The following PTPRD variants were observed in gnomAD, a reference collection of about 807,000 sequenced individuals.
The protein encoded by PTPRD is receptor-type tyrosine-protein phosphatase delta.
PTPRD carries 34 observed loss-of-function variants against 214.5 expected under a neutral mutation model. That is an observed-to-expected ratio of 0.16 (90% CI 0.12 to 0.21). PTPRD has a LOEUF of 0.21. Ranked by LOEUF, PTPRD falls within the 10% of genes least tolerant of loss-of-function variation. The pLI is 1.00. For synonymous variants in PTPRD, 1,128 were observed against 845.7 expected (o/e 1.33, Z -5.79); for missense variants, 2,545 against 2,398.7 (o/e 1.06, Z -1.27).
In PTPRD at chr9:10,595,489, C is replaced by T. The variant is rs866908988; in HGVS notation, c.-600+16909G>A. ...GACCCTTTAAAACATGTTTTCTTCT[C>T]GGTTGGTACACCAAATAGGCTAATC... On this transcript the variant is annotated intron_variant, in intron 2 of 45. Coordinates refer to ENST00000381196, the MANE Select transcript of PTPRD (RefSeq NM_002839.4). Among the ~76,000 whole-genome samples the T allele has an allele frequency of 6.5e-4, 98 of 151,584 alleles. 1 individual carries two copies. Among genetic ancestry groups the T allele is most frequent in the Admixed American group, 1.1e-3 (17 of 15,170 alleles).
At chr9:8,755,120 A>G (rs1012428083) in intron 11 of PTPRD, among the ~76,000 whole-genome samples, 1 of 152,122 alleles carries the variant, frequency 6.6e-6, no homozygotes, top group Non-Finnish European at 1.5e-5. Flanking sequence ...GCCAACTGGT[A>G]AAAACTCCTT....
chr9:9,396,915 G>C (rs963273681), intron 9 of PTPRD, among the ~76,000 whole-genome samples: 8 of 151,908 alleles, frequency 5.3e-5, no homozygotes, highest in Admixed American at 2.0e-4. Flanking sequence ...AGACATAAAT[G>C]GGTAGCAACT....
chr9:10,208,015 C>T (rs1401097196), intron 3 of PTPRD, among the ~76,000 whole-genome samples: 2 of 152,294 alleles, frequency 1.3e-5, no homozygotes, highest in East Asian at 3.9e-4. Context: ...CCTGCACATA[C>T]ACAACATAAA....
intron 2 of PTPRD, among the ~76,000 whole-genome samples, chr9:10,437,783 A>G (rs965758798): frequency 1.3e-5 from 2 of 151,190 alleles, no homozygotes; most frequent in Middle Eastern, 3.2e-3. Context: ...AGATATATAT[A>G]TATCTGATAA....
chr9:10,225,484 T>C (rs999120703), intron 3 of PTPRD, among the ~76,000 whole-genome samples: 1 of 152,008 alleles, frequency 6.6e-6, no homozygotes, highest in African/African-American at 2.4e-5. Flanking sequence ...TAGAGGGTGA[T>C]ATGAGGATGA....
intron 12 of PTPRD, among the ~76,000 whole-genome samples, chr9:8,710,691 A>C (rs1194879343): frequency 2.0e-5 from 3 of 152,164 alleles, no homozygotes; most frequent in African/African-American, 7.2e-5. Context: ...CATAATTATA[A>C]ATGAGTTTTT....
intron 14 of PTPRD, among the ~76,000 whole-genome samples, chr9:8,601,321 C>G (rs1209130259): frequency 6.6e-6 from 1 of 152,196 alleles, no homozygotes; most frequent in Non-Finnish European, 1.5e-5. Flanking sequence ...GCAGAACTCA[C>G]CACCCTTAAA....
intron 14 of PTPRD, among the ~76,000 whole-genome samples, chr9:8,541,363 G>A (rs1031603520): frequency 8.5e-5 from 13 of 152,102 alleles, no homozygotes; most frequent in African/African-American, 3.1e-4. Flanking sequence ...CAGGGTAGCT[G>A]GGACTACAGG....
chr9:8,395,249 C>G (rs1188033634), intron 36 of PTPRD, among the ~76,000 whole-genome samples: 3 of 152,168 alleles, frequency 2.0e-5, no homozygotes, highest in Non-Finnish European at 2.9e-5. Flanking sequence ...GTCCCCTCCT[C>G]TACTCCAACG....
At chr9:9,332,686 G>C (rs2042791562) in intron 9 of PTPRD, among the ~76,000 whole-genome samples, 1 of 151,504 alleles carries the variant, frequency 6.6e-6, no homozygotes, top group Admixed American at 6.6e-5. Flanking sequence ...CTTGAACTTT[G>C]AAGTAATTGG....
At chr9:9,501,674 C>A (rs558971251) in intron 8 of PTPRD, among the ~76,000 whole-genome samples, 1 of 151,958 alleles carries the variant, frequency 6.6e-6, no homozygotes, top group South Asian at 2.1e-4. Flanking sequence ...TACCATAAAA[C>A]TATACACCTT....
intron 25 of PTPRD, among the ~76,000 whole-genome samples, chr9:8,499,122 C>T (rs2136749482): frequency 6.6e-6 from 1 of 152,160 alleles, no homozygotes; most frequent in South Asian, 2.1e-4. Context: ...TCTTCATTTG[C>T]TGGGACATGA....
chr9:8,521,297 A>T lies in PTPRD; in HGVS notation c.941T>A (p.Ile314Lys), dbSNP rs771347752. Residue 314 changes from isoleucine to lysine, a missense_variant, in exon 20 of 46, where the codon ATA (isoleucine) becomes AAA (lysine). Coordinates refer to ENST00000381196, the MANE Select transcript of PTPRD (RefSeq NM_002839.4). The part of the protein sequence containing the change: ...AMSTLGVIEA[I>K]AQITVKALPK... ...CATACCTTTGACAGTGATCTGTGCT[A>T]TTGCTTCAATGACACCCAGTGTTGA... is the stretch of plus-strand genomic sequence containing the variant. 1 of 1,613,608 alleles carries T rather than the reference A, an allele frequency of 6.2e-7. No individual in the cohort carries two copies. Among genetic ancestry groups the T allele is most frequent in the Non-Finnish European group, 8.5e-7 (1 of 1,179,696 alleles).
At chr9:9,084,531 A>G (rs907496542) in intron 10 of PTPRD, among the ~76,000 whole-genome samples, 1 of 152,166 alleles carries the variant, frequency 6.6e-6, no homozygotes, top group Non-Finnish European at 1.5e-5. Flanking sequence ...TTGCACATGT[A>G]TCCCAGAATT....
Position 9,026,764 on chromosome 9 carries a change from CT to C in PTPRD, c.-142-8030del, listed in dbSNP as rs574403878. On this transcript the variant is annotated intron_variant, in intron 10 of 45. Coordinates refer to ENST00000381196, the MANE Select transcript of PTPRD (RefSeq NM_002839.4). ...GATTAGATCTCTGAAATTCAAACTG[CT>C]TTATTTTCATAAGAACTATGATTAA... 1.6e-3 allele frequency among the ~76,000 whole-genome samples: 244 copies of C among 151,992 alleles called. 2 individuals carry two copies. Among genetic ancestry groups the C allele is most frequent in the African/African-American group, 5.6e-3 (232 of 41,480 alleles).
At chr9:10,428,725 T>G (rs368207609) in intron 2 of PTPRD, among the ~76,000 whole-genome samples, 1 of 152,118 alleles carries the variant, frequency 6.6e-6, no homozygotes, top group African/African-American at 2.4e-5. Flanking sequence ...ATCTATGGAA[T>G]ATTCTATTTG....
chr9:8,433,840 T>C (rs1326666874), intron 35 of PTPRD, among the ~76,000 whole-genome samples: 3 of 152,188 alleles, frequency 2.0e-5, no homozygotes, highest in South Asian at 4.1e-4. Context: ...CTTAAGTTTA[T>C]AGTGTTTATA....
intron 7 of PTPRD, among the ~76,000 whole-genome samples, chr9:9,732,518 T>C (rs927222532): frequency 2.0e-5 from 3 of 152,122 alleles, no homozygotes; most frequent in African/African-American, 7.2e-5. Flanking sequence ...AATGATGGAA[T>C]TTAGGCAAAA....
intron 8 of PTPRD, among the ~76,000 whole-genome samples, chr9:9,471,748 AG>A (rs1254296971): frequency 6.7e-6 from 1 of 148,332 alleles, no homozygotes; most frequent in Non-Finnish European, 1.5e-5. Context: ...ACAAACTTTT[AG>A]GCTAATTAGA....
Sources: gnomAD v4.1 joint callset for allele counts (sites outside exome capture counted in the v4.1 genomes callset) on GRCh38, gnomAD v4.1.1 for gene constraint, MANE v1.5 for transcripts, NCBI Gene and HGNC (gene_info 2026-07-23, HGNC 2026-07-21) for gene names.